The following MALRD1 variants were observed in gnomAD, a reference collection of about 807,000 sequenced individuals.
The protein encoded by MALRD1 is MAM and LDL receptor class A domain containing 1.
MALRD1 carries 247 observed loss-of-function variants against 242.1 expected under a neutral mutation model. The ratio of observed to expected loss-of-function variants is 1.02; its 90% CI spans 0.92 to 1.13. MALRD1 has a LOEUF of 1.13. Ranked by LOEUF, MALRD1 falls within the 50% of genes most tolerant of loss-of-function variation. The probability of loss-of-function intolerance (pLI) is 0.00; values close to 1 mark genes in which losing one functional copy is unlikely to be tolerated. For synonymous variants in MALRD1, 995 were observed against 866.6 expected (o/e 1.15, Z -2.60); for missense variants, 2,989 against 2,533.1 (o/e 1.18, Z -3.86).
At chr10:19,439,618 T>C (rs1834520570) in intron 28 of MALRD1, among the ~76,000 whole-genome samples, 1 of 152,148 alleles carries the variant, frequency 6.6e-6, no homozygotes, top group Non-Finnish European at 1.5e-5. Context: ...TCAAAGTATT[T>C]AGAGTGCAGT....
At chr10:19,134,585 A>G (rs1463152505) in intron 9 of MALRD1, among the ~76,000 whole-genome samples, 1 of 152,194 alleles carries the variant, frequency 6.6e-6, no homozygotes, top group African/African-American at 2.4e-5. Context: ...GATACTGATT[A>G]TATGTGTGGG....
intron 5 of MALRD1, among the ~76,000 whole-genome samples, chr10:19,110,014 G>T (rs994984777): frequency 2.0e-5 from 3 of 152,248 alleles, no homozygotes; most frequent in South Asian, 2.1e-4. Flanking sequence ...GGGGAGACAG[G>T]GCAGTAAAGA....
rs1564461993 is a variant in MALRD1, at chr10:19,200,656, T to TG, written c.1952-3072_1952-3071insG. On this transcript the variant is annotated intron_variant, in intron 14 of 39. Transcript: ENST00000454679. ...CCTCCCTGCTTGAGGTTTTTTTTTTTTTTTTTTTTTTTTTTGGCTTCTACA... is the reference window on the plus strand; with the variant it reads ...CCTCCCTGCTTGAGGTTTTTTTTTTTGTTTTTTTTTTTTTTTGGCTTCTACA... Among the ~76,000 whole-genome samples, 332 of 146,042 alleles carry TG rather than the reference T, an allele frequency of 2.3e-3. 2 individuals are homozygous for TG. The highest frequency in any genetic ancestry group is 8.1e-3 in the African/African-American group (318 of 39,402).
chr10:19,475,190 C>G (rs1413408323), intron 29 of MALRD1, among the ~76,000 whole-genome samples: 2 of 152,044 alleles, frequency 1.3e-5, no homozygotes, highest in Admixed American at 1.3e-4. Context: ...CCGAGGCGGG[C>G]GGATCACGAG....
intron 21 of MALRD1, among the ~76,000 whole-genome samples, chr10:19,307,883 TA>T (rs1199701718): frequency 6.6e-6 from 1 of 151,570 alleles, no homozygotes; most frequent in East Asian, 1.9e-4. Flanking sequence ...GTAATGCTTT[TA>T]TCTTTTTTAA....
At chr10:19,620,706 C>T (rs551003692) in intron 36 of MALRD1, among the ~76,000 whole-genome samples, 44 of 152,048 alleles carry the variant, frequency 2.9e-4, no homozygotes, top group Non-Finnish European at 5.3e-4. Flanking sequence ...CATGACCCAT[C>T]CCTAATGTAT....
intron 36 of MALRD1, among the ~76,000 whole-genome samples, chr10:19,686,701 T>C (rs1842599041): frequency 6.6e-6 from 1 of 152,138 alleles, no homozygotes; most frequent in Non-Finnish European, 1.5e-5. Flanking sequence ...CCTGTTAATA[T>C]CTGACTAGCG....
intron 21 of MALRD1, among the ~76,000 whole-genome samples, chr10:19,302,764 A>G (rs1372102443): frequency 1.3e-5 from 2 of 151,756 alleles, no homozygotes; most frequent in African/African-American, 2.4e-5. Context: ...TGGTATGTGA[A>G]TTACAACTCA....
At chr10:19,557,048 G>A (rs1835752149) in intron 32 of MALRD1, among the ~76,000 whole-genome samples, 1 of 152,054 alleles carries the variant, frequency 6.6e-6, no homozygotes, top group Non-Finnish European at 1.5e-5. Flanking sequence ...TAACAAATGA[G>A]TTTGAGTATT....
chr10:19,243,213 C>G (rs1037735585), intron 18 of MALRD1, among the ~76,000 whole-genome samples: 7 of 151,884 alleles, frequency 4.6e-5, no homozygotes, highest in Admixed American at 3.9e-4. Context: ...TCTCCCCCGC[C>G]ACACACACAA....
chr10:19,406,915 C>G (rs1833050756), intron 28 of MALRD1, among the ~76,000 whole-genome samples: 1 of 152,132 alleles, frequency 6.6e-6, no homozygotes, highest in Non-Finnish European at 1.5e-5. Flanking sequence ...GGAGGATAAT[C>G]TGATGATTAA....
At chr10:19,648,373 A>T (rs1840735007) in intron 36 of MALRD1, among the ~76,000 whole-genome samples, 1 of 152,100 alleles carries the variant, frequency 6.6e-6, no homozygotes. Flanking sequence ...TACAACAAAG[A>T]CTAAAATCAA....
At chr10:19,608,645 TTA>T (rs1838746157) in intron 35 of MALRD1, among the ~76,000 whole-genome samples, 1 of 152,120 alleles carries the variant, frequency 6.6e-6, no homozygotes, top group Non-Finnish European at 1.5e-5. Flanking sequence ...TGGAAATATT[TTA>T]TATCAAAACT....
chr10:19,411,694 G>C (rs1833281605), intron 28 of MALRD1, among the ~76,000 whole-genome samples: 1 of 152,072 alleles, frequency 6.6e-6, no homozygotes, highest in Admixed American at 6.6e-5. Context: ...AGGACTCAAA[G>C]GTTTACTAAT....
chr10:19,530,404 T>TATAAATATATA (rs1564417318), intron 31 of MALRD1, among the ~76,000 whole-genome samples: 859 of 19,030 alleles, frequency 0.045, 9 homozygotes, highest in Non-Finnish European at 0.069. Context: ...ATAAATATTA[T>TATAAATATATA]ATATTTATAT....
chr10:19,439,443 A>G (rs1301462015), intron 28 of MALRD1, among the ~76,000 whole-genome samples: 1 of 152,110 alleles, frequency 6.6e-6, no homozygotes, highest in Non-Finnish European at 1.5e-5. Context: ...AGGCTGAGGC[A>G]GGAGGATCAC....
chr10:19,450,359 A>G lies in MALRD1; in HGVS notation c.4898A>G (p.Asn1633Ser). The change falls in exon 29 of 40, where the codon AAT becomes AGT. Residue 1633 changes from asparagine to serine, a missense_variant. Coordinates refer to ENST00000454679, the MANE Select transcript of MALRD1 (RefSeq NM_001142308.3). Reference sequence around the variant, plus strand: ...CAAGAAAGTAAGCAGAACCCTGGTAATCATTGGCAAAAGGCTGACATCCTG... The same window carrying G: ...CAAGAAAGTAAGCAGAACCCTGGTAGTCATTGGCAAAAGGCTGACATCCTG... ...VWQESKQNPG[N>S]HWQKADILLG... The G allele has an allele frequency of 1.3e-6, 2 of 1,549,810 alleles. No individual in the cohort carries two copies. Among genetic ancestry groups the G allele is most frequent in the Non-Finnish European group, 8.7e-7 (1 of 1,146,952 alleles).
chr10:19,389,190 G>T (rs764412369), intron 27 of MALRD1: 1 of 547,504 alleles, frequency 1.8e-6, no homozygotes, highest in Non-Finnish European at 3.5e-6. Flanking sequence ...TAGCTATCTT[G>T]TTGATGCGAC....
intron 26 of MALRD1, among the ~76,000 whole-genome samples, chr10:19,361,748 A>C (rs995038329): frequency 6.6e-6 from 1 of 152,070 alleles, no homozygotes; most frequent in Non-Finnish European, 1.5e-5. Flanking sequence ...TCCTCTAACC[A>C]TTTCAACATT....
Sources: allele counts gnomAD v4.1 joint callset (sites outside exome capture counted in the v4.1 genomes callset), GRCh38; gene constraint gnomAD v4.1.1; transcripts MANE v1.5; gene names NCBI Gene and HGNC (gene_info 2026-07-23, HGNC 2026-07-21).